Variants in SLCO5A1 observed in about 807,000 individuals in gnomAD.
SLCO5A1 encodes organic anion transporter polypeptide-related protein 4.
SLCO5A1 carries 39 observed loss-of-function variants against 65.1 expected under a neutral mutation model. That is an observed-to-expected ratio of 0.60 (90% CI 0.46 to 0.78). The LOEUF is 0.78. Ranked by LOEUF, SLCO5A1 falls within the 30% of genes least tolerant of loss-of-function variation. The probability of loss-of-function intolerance (pLI) is 0.00; values close to 1 mark genes in which losing one functional copy is unlikely to be tolerated. For missense variants in SLCO5A1, 1,029 were observed against 1,069.4 expected (o/e 0.96, Z 0.53); for synonymous variants, 438 against 415.7 (o/e 1.05, Z -0.65).
chr8:69,752,442 A>AG (rs1817354048), intron 4 of SLCO5A1, among the ~76,000 whole-genome samples: 1 of 151,712 alleles, frequency 6.6e-6, no homozygotes, highest in Non-Finnish European at 1.5e-5. Context: ...TTGTTAAAAA[A>AG]AAAAAAGTGA....
chr8:69,787,743 A>C (rs1394580109), intron 2 of SLCO5A1, among the ~76,000 whole-genome samples: 1 of 152,216 alleles, frequency 6.6e-6, no homozygotes, highest in Non-Finnish European at 1.5e-5. Flanking sequence ...TTTTAGCAGA[A>C]TATAGAAGTC....
chr8:69,775,115 T>A (rs946578533), intron 2 of SLCO5A1, among the ~76,000 whole-genome samples: 21 of 152,296 alleles, frequency 1.4e-4, no homozygotes, highest in African/African-American at 5.1e-4. Flanking sequence ...ATCACTTTGC[T>A]GAAACATCCA....
At chr8:69,810,369 T>A (rs1448614969) in intron 2 of SLCO5A1, among the ~76,000 whole-genome samples, 1 of 152,014 alleles carries the variant, frequency 6.6e-6, no homozygotes, top group East Asian at 1.9e-4. Flanking sequence ...CCTACAGAGG[T>A]CTTCTTAGCC....
intron 2 of SLCO5A1, among the ~76,000 whole-genome samples, chr8:69,796,689 G>T (rs1819515254): frequency 6.6e-6 from 1 of 151,374 alleles, no homozygotes; most frequent in African/African-American, 2.4e-5. Context: ...ATATATACGT[G>T]TGTATGTATA....
Position 69,673,282 on chromosome 8 carries a change from T to C in SLCO5A1, c.2134A>G (p.Thr712Ala). 6.2e-7 allele frequency: 1 copy of C among 1,614,122 alleles called. No homozygotes were observed. The highest frequency in any genetic ancestry group is 1.3e-5 in the African/African-American group (1 of 75,008). Residue 712 changes from threonine to alanine, a missense_variant, in exon 10 of 10, where the codon ACC (threonine) becomes GCC (alanine). Physicochemically the swap from Thr to Ala is moderately conservative, Grantham distance 58 (BLOSUM62 0). Transcript: ENST00000260126. ...PIYFGAVIDT[T>A]CMLWQQECGV... The stretch of plus-strand genomic sequence containing the variant: ...CATTCCTGTTGCCAGAGCATGCAGG[T>C]GGTGTCAATGACTGCTCCAAAGTAG...
At chr8:69,775,087 G>A (rs1818505866) in intron 2 of SLCO5A1, among the ~76,000 whole-genome samples, 1 of 152,128 alleles carries the variant, frequency 6.6e-6, no homozygotes. Flanking sequence ...AGCTGCCACG[G>A]CAGTCAGGGA....
At chr8:69,778,228 G>GGTGTGT (rs71556783) in intron 2 of SLCO5A1, among the ~76,000 whole-genome samples, 98 of 143,038 alleles carry the variant, frequency 6.9e-4, no homozygotes, top group African/African-American at 2.3e-3. Flanking sequence ...ATATGTATGG[G>GGTGTGT]GTGTGTGTGT....
intron 2 of SLCO5A1, among the ~76,000 whole-genome samples, chr8:69,815,690 A>ACACACACAC (rs1563371420): frequency 6.6e-6 from 1 of 150,778 alleles, no homozygotes; most frequent in Non-Finnish European, 1.5e-5. Flanking sequence ...ACACACACAC[A>ACACACACAC]AAATTACATC....
intron 2 of SLCO5A1, among the ~76,000 whole-genome samples, chr8:69,779,754 T>C (rs1818719148): frequency 6.6e-6 from 1 of 152,150 alleles, no homozygotes; most frequent in African/African-American, 2.4e-5. Context: ...TCTTTTCATT[T>C]AAGGGCACAT....
In SLCO5A1 at chr8:69,757,930, G is replaced by A. The variant is rs567475553; in HGVS notation, c.1041-2289C>T. Reference sequence around the variant, plus strand: ...GTGTAGTGTAGGGGACAACTCATGGGCTGTGGCTTCAGGCAGACCTGGGTT... The same window carrying A: ...GTGTAGTGTAGGGGACAACTCATGGACTGTGGCTTCAGGCAGACCTGGGTT... On this transcript the variant is annotated intron_variant, in intron 3 of 9. Transcript: ENST00000260126. Among the ~76,000 whole-genome samples the A allele has an allele frequency of 3.3e-5, 5 of 152,216 alleles. No homozygotes were observed. In the East Asian group the frequency reaches 9.7e-4, roughly 29 times the overall value.
At chr8:69,717,099 G>A (rs892907721) in intron 5 of SLCO5A1, among the ~76,000 whole-genome samples, 1 of 152,044 alleles carries the variant, frequency 6.6e-6, no homozygotes, top group Non-Finnish European at 1.5e-5. Context: ...TTTTGATGGT[G>A]TCCTTTGATG....
In SLCO5A1 at chr8:69,751,303, G is replaced by A. The variant is rs534326789; in HGVS notation, c.1258+4121C>T. Among the ~76,000 whole-genome samples, 35 of 152,228 alleles carry A rather than the reference G, an allele frequency of 2.3e-4. No homozygotes were observed. The South Asian group carries it at 6.2e-3, about 27-fold the overall frequency. On this transcript the variant is annotated intron_variant, in intron 4 of 9. Transcript: ENST00000260126. ...GTTTATTTTTATTGGTAAGATTTTT[G>A]ATGGAATCAATGCTAATTTCTTTGT...
At chr8:69,786,526 G>A (rs1268064010) in intron 2 of SLCO5A1, among the ~76,000 whole-genome samples, 1 of 152,218 alleles carries the variant, frequency 6.6e-6, no homozygotes, top group African/African-American at 2.4e-5. Context: ...CAAGTGCAAT[G>A]CATCTTAGCA....
intron 2 of SLCO5A1, among the ~76,000 whole-genome samples, chr8:69,768,804 T>C (rs1166270275): frequency 1.3e-5 from 2 of 152,170 alleles, no homozygotes; most frequent in African/African-American, 4.8e-5. Context: ...ATATGAATCC[T>C]TGGGGGACAC....
chr8:69,692,018 G>T (rs1814282404), intron 6 of SLCO5A1, among the ~76,000 whole-genome samples: 1 of 152,196 alleles, frequency 6.6e-6, no homozygotes, highest in Admixed American at 6.5e-5. Context: ...GGAGGCCGAG[G>T]TGGGCAGATC....
chr8:69,751,095 A>G (rs898711213), intron 4 of SLCO5A1, among the ~76,000 whole-genome samples: 1 of 152,222 alleles, frequency 6.6e-6, no homozygotes, highest in African/African-American at 2.4e-5. Flanking sequence ...TTTTATGCTT[A>G]ATAAATAATA....
chr8:69,736,786 A>C (rs371581708), intron 5 of SLCO5A1, among the ~76,000 whole-genome samples: 29 of 152,322 alleles, frequency 1.9e-4, no homozygotes, highest in African/African-American at 7.0e-4. Flanking sequence ...TTGAATATTG[A>C]AACTTAGTTT....
chr8:69,783,066 T>C (rs1013850652), intron 2 of SLCO5A1, among the ~76,000 whole-genome samples: 1 of 152,180 alleles, frequency 6.6e-6, no homozygotes, highest in Non-Finnish European at 1.5e-5. Context: ...TGAAACAATG[T>C]ACATAAAGCC....
chr8:69,680,470 CT>C (rs1813718994), intron 7 of SLCO5A1, among the ~76,000 whole-genome samples: 2 of 152,220 alleles, frequency 1.3e-5, no homozygotes, highest in African/African-American at 4.8e-5. Context: ...TGATTTTATT[CT>C]TTTTTATGGC....
Sources: gnomAD v4.1 joint callset for allele counts (sites outside exome capture counted in the v4.1 genomes callset) on GRCh38, gnomAD v4.1.1 for gene constraint, MANE v1.5 for transcripts, NCBI Gene and HGNC (gene_info 2026-07-23, HGNC 2026-07-21) for gene names.